The following TBCD variants were observed in gnomAD, a reference collection of about 807,000 sequenced individuals.
The protein encoded by TBCD is tubulin-specific chaperone D.
In TBCD, 105 loss-of-function variants were observed where a neutral mutation model predicts 169.3. That is an observed-to-expected ratio of 0.62 (90% CI 0.53 to 0.73). The LOEUF (loss-of-function observed/expected upper bound fraction) is 0.73, where lower values mean the gene tolerates loss of function less well. Among genes scored for constraint, TBCD ranks in the 30% least tolerant of loss-of-function variants. The pLI is 0.00. For missense variants in TBCD, 1,444 were observed against 1,600.1 expected (o/e 0.90, Z 1.66); for synonymous variants, 700 against 643.9 (o/e 1.09, Z -1.32).
rs753826896 is a variant in TBCD at position 82,870,249 on chromosome 17, G to C, written c.1344G>C (p.Leu448=). ...VDVVAVILKA[L]TYDEKRGACS... Reference sequence around the variant, plus strand: ...TTGTCGCCGTGATCCTGAAGGCGCTGACCTACGACGAGAAGCGGGGTGCCT... The same window carrying C: ...TTGTCGCCGTGATCCTGAAGGCGCTCACCTACGACGAGAAGCGGGGTGCCT... The change falls in exon 14 of 39, where the codon CTG becomes CTC. Residue 448 remains leucine (L), a synonymous_variant. Coordinates refer to ENST00000355528, the MANE Select transcript of TBCD (RefSeq NM_005993.5). The C allele has an allele frequency of 6.2e-7, 1 of 1,613,316 alleles. No homozygotes were observed. The highest frequency in any genetic ancestry group is 8.5e-7 in the Non-Finnish European group (1 of 1,179,880).
rs2063643847 is a variant in TBCD, at chr17:82,945,587, A to C, written c.*3124A>C. 1 of 152,184 alleles carries C rather than the reference A, an allele frequency of 6.6e-6. No individual in the cohort carries two copies. 9.4% of individuals were successfully genotyped at this position (152,184 alleles called of 1,614,324 possible). A position where few individuals can be genotyped will look rare whatever the true frequency, so the allele number is the denominator to read the frequency against. On this transcript the variant is annotated 3_prime_UTR_variant, in exon 39 of 39. Transcript: ENST00000355528. ...AACATTAAAGAAGAGAACAAAATTA[A>C]GTCATTTAGATAAAAATATGCCATT...
In TBCD at chr17:82,858,751, G is replaced by T. The variant is rs553265312; in HGVS notation, c.1319-11473G>T. ...GGAAAATCGACTGAGTGTGTGAAGG[G>T]CCTGTCGGTGTGAACGGGCCCTGCT... is the stretch of plus-strand genomic sequence containing the variant. On this transcript the variant is annotated intron_variant, in intron 13 of 38. Coordinates refer to ENST00000355528, the MANE Select transcript of TBCD (RefSeq NM_005993.5). 1.3e-4 allele frequency: 92 copies of T among 723,358 alleles called. 1 individual carries two copies. In the South Asian group the frequency reaches 5.1e-3, roughly 40 times the overall value. 44.8% of individuals were successfully genotyped at this position (723,358 alleles called of 1,614,324 possible). A position where few individuals can be genotyped will look rare whatever the true frequency, so the allele number is the denominator to read the frequency against.
In TBCD at chr17:82,752,393, C is replaced by T. The variant is rs2047143504; in HGVS notation, c.184+16C>T. On this transcript the variant is annotated intron_variant, in intron 1 of 38. Transcript: ENST00000355528. ...CGGTTCCGCGGTGCGTGGGCGGCGC[C>T]GCGTGCCCGCTTCCTCCCCCGGCCC... 1 of 1,224,118 alleles carries T rather than the reference C, an allele frequency of 8.2e-7. No individual in the cohort carries two copies. The highest frequency in any genetic ancestry group is 4.4e-5 in the Admixed American group (1 of 22,776). 75.8% of individuals were successfully genotyped at this position (1,224,118 alleles called of 1,614,324 possible).
In TBCD at chr17:82,945,759, A is replaced by T. The variant is rs2063656933; in HGVS notation, c.*3296A>T. 1 of 152,196 alleles carries T rather than the reference A, an allele frequency of 6.6e-6. No homozygotes were observed. The highest frequency in any genetic ancestry group is 1.9e-4 in the East Asian group (1 of 5,208). 9.4% of individuals were successfully genotyped at this position (152,196 alleles called of 1,614,324 possible). ...CCAGCTGTGACAAAAAGAAAAAAAA[A>T]TGTCTCCAGACACTGCCAAATATCT... On this transcript the variant is annotated 3_prime_UTR_variant, in exon 39 of 39. Coordinates refer to ENST00000355528, the MANE Select transcript of TBCD (RefSeq NM_005993.5).
rs1405329387 is a variant in TBCD, at chr17:82,929,337, C to T, written c.2853-25C>T. The stretch of plus-strand genomic sequence containing the variant: ...CATGGCGAGATCATTGGCAGCCCGG[C>T]CTTGTCTCACTCACTCTCTTGCAGG... On this transcript the variant is annotated intron_variant, in intron 31 of 38. Transcript: ENST00000355528. 4 of 1,610,420 alleles carry T rather than the reference C, an allele frequency of 2.5e-6. No homozygotes were observed. In the East Asian group the frequency reaches 8.9e-5, roughly 36 times the overall value.
chr17:82,816,414 G>A (rs1016834466), intron 13 of TBCD, among the ~76,000 whole-genome samples: 2 of 152,294 alleles, frequency 1.3e-5, no homozygotes, highest in African/African-American at 2.4e-5. Flanking sequence ...TGGGTCATAC[G>A]GTAACTCCAC....
chr17:82,905,121 T>G (rs988864924), intron 19 of TBCD, among the ~76,000 whole-genome samples: 4 of 152,202 alleles, frequency 2.6e-5, no homozygotes, highest in African/African-American at 9.6e-5. Flanking sequence ...CTGTGCTTTC[T>G]GAGCAAACTC....
rs569382607 is a variant in TBCD at position 82,858,563 on chromosome 17, G to A, written c.1319-11661G>A. On this transcript the variant is annotated intron_variant, in intron 13 of 38. Coordinates refer to ENST00000355528, the MANE Select transcript of TBCD (RefSeq NM_005993.5). ...TCAGGTTTTGCTTGTGAAAGTAGCT[G>A]GCTGGGGCTTCTGTTGATGACAGTG... The A allele has an allele frequency of 4.2e-5, 41 of 985,442 alleles. 1 individual carries two copies. In the South Asian group the frequency reaches 1.3e-3, roughly 31 times the overall value. The allele number at this position is 985,442 out of a possible 1,614,324, so 61.0% of individuals were successfully genotyped here.
intron 13 of TBCD, among the ~76,000 whole-genome samples, chr17:82,834,729 C>A (rs1421707979): frequency 8.9e-6 from 1 of 111,838 alleles, no homozygotes; most frequent in Non-Finnish European, 1.8e-5. Context: ...GGGTGGGGGT[C>A]GGGGGGAGGG....
At chr17:82,796,651 G>C (rs2050127465) in intron 7 of TBCD, among the ~76,000 whole-genome samples, 1 of 152,180 alleles carries the variant, frequency 6.6e-6, no homozygotes, top group African/African-American at 2.4e-5. Context: ...TTGATCGTAG[G>C]TGTGGGATCT....
intron 5 of TBCD, among the ~76,000 whole-genome samples, 160 bp downstream of exon 5, chr17:82,768,726 A>G (rs1173206574): frequency 6.6e-6 from 1 of 152,130 alleles, no homozygotes; most frequent in East Asian, 1.9e-4. Context: ...TGAAATTGTG[A>G]TAATTCATGT....
intron 13 of TBCD, among the ~76,000 whole-genome samples, chr17:82,848,089 G>A (rs566986179): frequency 6.6e-6 from 1 of 152,240 alleles, no homozygotes; most frequent in Non-Finnish European, 1.5e-5. Flanking sequence ...GCGGCCCTGT[G>A]GGATGGTGCT....
rs564156923 is a variant in TBCD, at chr17:82,885,514, T to C, written c.1533+1312T>C. Reference sequence around the variant, plus strand: ...CTCTGTCCCTGAAGCTGCTCTTATTTTGTCTTCAGCATCAGTAAAAACCTC... The same window carrying C: ...CTCTGTCCCTGAAGCTGCTCTTATTCTGTCTTCAGCATCAGTAAAAACCTC... On this transcript the variant is annotated intron_variant, in intron 15 of 38. Coordinates refer to ENST00000355528, the MANE Select transcript of TBCD (RefSeq NM_005993.5). Among the ~76,000 whole-genome samples, 3 of 152,340 alleles carry C rather than the reference T, an allele frequency of 2.0e-5. No homozygotes were observed. In the South Asian group the frequency reaches 6.2e-4, roughly 32 times the overall value.
chr17:82,861,593 C>T (rs1424824866), intron 13 of TBCD, among the ~76,000 whole-genome samples: 2 of 152,206 alleles, frequency 1.3e-5, no homozygotes, highest in African/African-American at 2.4e-5. Flanking sequence ...GCTGTGATTG[C>T]GGCTGTCAGC....
In TBCD at chr17:82,832,483, GT is replaced by G. The variant is rs771633436; in HGVS notation, c.1318+17550del. The G allele has an allele frequency of 2.5e-6, 4 of 1,594,848 alleles. No homozygotes were observed. In the African/African-American group the frequency reaches 5.4e-5, roughly 21 times the overall value. On this transcript the variant is annotated intron_variant, in intron 13 of 38. Coordinates refer to ENST00000355528, the MANE Select transcript of TBCD (RefSeq NM_005993.5). This position sits in a 1 kb window ranked among gnomAD's most constrained non-coding sequence, Gnocchi z 4.9. ...CCTCCTTATGCCTTGGACTCTGGCT[GT>G]CCAGGTGGCGTGATCACTGTCGACG...
At chr17:82,777,430 C>G (rs550297262) in intron 6 of TBCD, among the ~76,000 whole-genome samples, 12 of 152,228 alleles carry the variant, frequency 7.9e-5, no homozygotes, top group Admixed American at 7.8e-4. Flanking sequence ...TTGCAGAGAC[C>G]GGTAGCGGCC....
chr17:82,891,808 G>T (rs2059157742), intron 16 of TBCD, among the ~76,000 whole-genome samples: 1 of 152,154 alleles, frequency 6.6e-6, no homozygotes, highest in South Asian at 2.1e-4. Context: ...CTCTGTCCAG[G>T]TTCGTCTTGG....
intron 34 of TBCD, among the ~76,000 whole-genome samples, chr17:82,934,309 C>T (rs2062444960): frequency 6.6e-6 from 1 of 152,188 alleles, no homozygotes; most frequent in Non-Finnish European, 1.5e-5. Flanking sequence ...GGACGCTGCA[C>T]ATGTTTTTAA....
intron 9 of TBCD, among the ~76,000 whole-genome samples, chr17:82,804,740 C>A (rs906124465): frequency 6.6e-6 from 1 of 152,152 alleles, no homozygotes; most frequent in African/African-American, 2.4e-5. Flanking sequence ...TCACCAGACT[C>A]TGCGTATTCT....
Sources: allele counts gnomAD v4.1 joint callset (sites outside exome capture counted in the v4.1 genomes callset), GRCh38; gene constraint gnomAD v4.1.1; non-coding constraint Gnocchi (gnomAD v3.1); transcripts MANE v1.5; gene names NCBI Gene and HGNC (gene_info 2026-07-23, HGNC 2026-07-21).